Variants in MEIS1 observed in about 807,000 individuals in gnomAD.
The protein encoded by MEIS1 is homeobox protein Meis1.
In MEIS1, 5 loss-of-function variants were observed where a neutral mutation model predicts 50.8. The observed-to-expected ratio is 0.10, with a 90% CI of 0.05 to 0.21. The LOEUF (loss-of-function observed/expected upper bound fraction) is 0.21. Among genes scored for constraint, MEIS1 ranks in the 10% least tolerant of loss-of-function variants. The probability of loss-of-function intolerance (pLI) is 1.00; values close to 1 mark genes in which losing one functional copy is unlikely to be tolerated. For synonymous variants in MEIS1, 176 were observed against 179.3 expected (o/e 0.98, Z 0.15); for missense variants, 318 against 517.3 (o/e 0.61, Z 3.74).
At chr2:66,541,605 G>GA (rs1674654636) in intron 8 of MEIS1, among the ~76,000 whole-genome samples, 1 of 152,108 alleles carries the variant, frequency 6.6e-6, no homozygotes, top group African/African-American at 2.4e-5. Flanking sequence ...CTGGGCCCCA[G>GA]AAAAAACAAA....
chr2:66,562,848 A>G (rs988462466), intron 9 of MEIS1, among the ~76,000 whole-genome samples: 3 of 152,190 alleles, frequency 2.0e-5, no homozygotes, highest in Non-Finnish European at 2.9e-5. Flanking sequence ...AGGGAGTCCA[A>G]TTCTTAAAAA....
At position 66,468,491 on chromosome 2, in the gene MEIS1, G is replaced by C. The variant is rs557013551; in HGVS notation, c.742+4271G>C. On this transcript the variant is annotated intron_variant, in intron 7 of 12. Coordinates refer to ENST00000272369, the MANE Select transcript of MEIS1 (RefSeq NM_002398.3). ...ACATGAAGGGCTGTCAGTCAGTGTA[G>C]GTATTTCCATCCCCTCACTTTTCAA... 2.9e-3 allele frequency among the ~76,000 whole-genome samples: 442 copies of C among 152,288 alleles called. 3 individuals carry two copies. The highest frequency in any genetic ancestry group is 4.7e-3 in the Non-Finnish European group (322 of 68,026).
intron 8 of MEIS1, among the ~76,000 whole-genome samples, chr2:66,531,211 A>G (rs1216681509): frequency 6.6e-6 from 1 of 152,198 alleles, no homozygotes; most frequent in East Asian, 1.9e-4. Flanking sequence ...TGATCTTGAC[A>G]CTGCTCCAGA....
chr2:66,443,202 C>CCA, intron 6 of MEIS1, 154 bp downstream of exon 6: 1 of 817,498 alleles, frequency 1.2e-6, no homozygotes, highest in Non-Finnish European at 1.8e-6. Flanking sequence ...AATAATGTGG[C>CCA]TATTATTGCT....
At chr2:66,561,447 A>G (rs899459723) in intron 9 of MEIS1, among the ~76,000 whole-genome samples, 1 of 152,150 alleles carries the variant, frequency 6.6e-6, no homozygotes, top group African/African-American at 2.4e-5. Context: ...AGAAATCACA[A>G]AAATGAATTA....
intron 8 of MEIS1, among the ~76,000 whole-genome samples, chr2:66,518,766 T>C (rs1674034979): frequency 6.6e-6 from 1 of 152,222 alleles, no homozygotes; most frequent in Non-Finnish European, 1.5e-5. Flanking sequence ...TTTATGCTAG[T>C]TTGGTTCTTT....
rs1256131460 is a variant in MEIS1, at chr2:66,453,080, A to G, written c.630+10032A>G. Among the ~76,000 whole-genome samples, 18 of 151,860 alleles carry G rather than the reference A, an allele frequency of 1.2e-4. 1 individual carries two copies. Among genetic ancestry groups the G allele is most frequent in the Admixed American group, 1.2e-3 (18 of 15,216 alleles). Reference sequence around the variant, plus strand: ...TTTTCCAAATTACCCTGCCATTTCAATTAGGTGCATTGTTCTTCACTCTAC... The same window carrying G: ...TTTTCCAAATTACCCTGCCATTTCAGTTAGGTGCATTGTTCTTCACTCTAC... On this transcript the variant is annotated intron_variant, in intron 6 of 12. Coordinates refer to ENST00000272369, the MANE Select transcript of MEIS1 (RefSeq NM_002398.3).
chr2:66,487,830 A>G (rs1338559749), intron 7 of MEIS1, among the ~76,000 whole-genome samples: 2 of 152,252 alleles, frequency 1.3e-5, no homozygotes, highest in Non-Finnish European at 2.9e-5. Context: ...AAGTTTGCTT[A>G]CAAACCTAGC....
chr2:66,497,071 TCA>T, intron 7 of MEIS1, among the ~76,000 whole-genome samples: 1 of 152,162 alleles, frequency 6.6e-6, no homozygotes, highest in East Asian at 1.9e-4. Flanking sequence ...GTTTATGAAC[TCA>T]CTTTATGGGT....
intron 12 of MEIS1, chr2:66,569,394 AGT>A (rs1675429677): frequency 8.2e-6 from 2 of 245,334 alleles, no homozygotes; most frequent in East Asian, 9.0e-5. Context: ...AACAAGAAGC[AGT>A]CAGGAGGTGG....
intron 3 of MEIS1, 98 bp downstream of exon 3, chr2:66,440,082 CA>C: frequency 3.6e-6 from 4 of 1,105,582 alleles, no homozygotes; most frequent in Non-Finnish European, 5.1e-6. Context: ...CACACACACA[CA>C]CACACACACG....
intron 7 of MEIS1, among the ~76,000 whole-genome samples, chr2:66,474,222 C>T (rs958715057): frequency 6.6e-6 from 1 of 152,152 alleles, no homozygotes; most frequent in African/African-American, 2.4e-5. Context: ...TACCCTGGGA[C>T]ATCACCCTCT....
chr2:66,538,380 A>G (rs1674569652), intron 8 of MEIS1, among the ~76,000 whole-genome samples: 1 of 152,216 alleles, frequency 6.6e-6, no homozygotes, highest in South Asian at 2.1e-4. Flanking sequence ...AGCTCTGAGA[A>G]CGCTGCCCAA....
At chr2:66,487,522 C>A (rs1673172684) in intron 7 of MEIS1, among the ~76,000 whole-genome samples, 1 of 152,204 alleles carries the variant, frequency 6.6e-6, no homozygotes, top group African/African-American at 2.4e-5. Flanking sequence ...GAAACAAATA[C>A]TGAAACATTT....
intron 8 of MEIS1, among the ~76,000 whole-genome samples, chr2:66,527,918 C>T (rs1674296764): frequency 2.6e-5 from 4 of 152,026 alleles, no homozygotes; most frequent in Admixed American, 2.6e-4. Context: ...TGAGGGCCTA[C>T]TATGTACAAG....
chr2:66,452,333 T>G (rs1359150502), intron 6 of MEIS1, among the ~76,000 whole-genome samples: 3 of 151,968 alleles, frequency 2.0e-5, no homozygotes, highest in African/African-American at 7.2e-5. Flanking sequence ...ATTTACATTC[T>G]ATCATATACA....
intron 7 of MEIS1, among the ~76,000 whole-genome samples, chr2:66,465,518 C>G (rs1243917009): frequency 6.6e-6 from 1 of 152,134 alleles, no homozygotes; most frequent in African/African-American, 2.4e-5. Flanking sequence ...GGTGTCAGCA[C>G]TTTCAATATA....
chr2:66,542,883 A>C (rs989172861), intron 8 of MEIS1, among the ~76,000 whole-genome samples: 1 of 152,198 alleles, frequency 6.6e-6, no homozygotes, highest in Non-Finnish European at 1.5e-5. Context: ...AAAGAAGTAC[A>C]TTTGGTCAAA....
chr2:66,458,188 T>G (rs1287862857), intron 6 of MEIS1, among the ~76,000 whole-genome samples: 3 of 152,210 alleles, frequency 2.0e-5, no homozygotes, highest in Non-Finnish European at 2.9e-5. Flanking sequence ...AAAAAATGAT[T>G]CTGGCATCAT....
Sources: allele counts gnomAD v4.1 joint callset (sites outside exome capture counted in the v4.1 genomes callset), GRCh38; gene constraint gnomAD v4.1.1; transcripts MANE v1.5; gene names NCBI Gene and HGNC (gene_info 2026-07-23, HGNC 2026-07-21).